The following SLC7A10 variants were observed in gnomAD, a reference collection of about 807,000 sequenced individuals.
The protein encoded by SLC7A10 is solute carrier family 7 member 10.
SLC7A10 carries 30 observed loss-of-function variants against 52.7 expected under a neutral mutation model. That is an observed-to-expected ratio of 0.57 (90% CI 0.43 to 0.77). The LOEUF is 0.77. SLC7A10 is among the 30% of genes least tolerant of loss of function. The pLI is 0.00. For missense variants in SLC7A10, 581 were observed against 698.5 expected (o/e 0.83, Z 1.90); for synonymous variants, 318 against 314.9 (o/e 1.01, Z -0.10).
chr19:33,211,650 T>G, intron 5 of SLC7A10, 113 bp from the exon 6 acceptor site: 2 of 1,579,992 alleles, frequency 1.3e-6, no homozygotes, highest in Middle Eastern at 1.9e-4. Context: ...CTGGGGATGT[T>G]GGGGCAGGAA....
chr19:33,215,719 A>G, intron 2 of SLC7A10, 50 bp downstream of exon 2: 1 of 1,532,634 alleles, frequency 6.5e-7, no homozygotes, highest in Non-Finnish European at 8.8e-7. Context: ...TCATTTGGCC[A>G]TCCCATTCCC....
At chr19:33,223,647 A>G (rs1177713306) in intron 1 of SLC7A10, among the ~76,000 whole-genome samples, 3 of 151,912 alleles carry the variant, frequency 2.0e-5, no homozygotes, top group African/African-American at 7.3e-5. Flanking sequence ...TAATCCTCAA[A>G]GGCTCCCCGG....
At chr19:33,218,271 G>T (rs1038200460) in intron 1 of SLC7A10, among the ~76,000 whole-genome samples, 1 of 152,154 alleles carries the variant, frequency 6.6e-6, no homozygotes, top group African/African-American at 2.4e-5. Context: ...CTTGTGCCCA[G>T]TGGCTGAAGA....
chr19:33,216,034 G>C, intron 1 of SLC7A10, 61 bp from the exon 2 acceptor site: 1 of 1,422,864 alleles, frequency 7.0e-7, no homozygotes, highest in African/African-American at 1.4e-5. Flanking sequence ...CCGGCCTTCT[G>C]TGTGGGGATC....
At chr19:33,224,816 G>A (rs1031253414) in intron 1 of SLC7A10, among the ~76,000 whole-genome samples, 1 of 152,356 alleles carries the variant, frequency 6.6e-6, no homozygotes, top group African/African-American at 2.4e-5. Flanking sequence ...GGCAGGACAT[G>A]GACCCATTCT....
At chr19:33,225,455 C>A (rs1256097308) in intron 1 of SLC7A10, 98 bp downstream of exon 1, 3 of 1,454,272 alleles carry the variant, frequency 2.1e-6, no homozygotes, top group Non-Finnish European at 1.9e-6. Context: ...CCCAGGCAGA[C>A]CCGTCCGAGC....
intron 1 of SLC7A10, among the ~76,000 whole-genome samples, chr19:33,223,943 TCACCACCACCACCACCACCACCAC>T (rs80120440): frequency 6.8e-6 from 1 of 147,108 alleles, no homozygotes; most frequent in Non-Finnish European, 1.5e-5. Flanking sequence ...ACCTCTACCA[TCACCACCACCACCACCACCACCAC>T]CACCACCACC....
chr19:33,223,078 C>T (rs577446814), intron 1 of SLC7A10, among the ~76,000 whole-genome samples: 2 of 152,220 alleles, frequency 1.3e-5, no homozygotes, highest in East Asian at 3.9e-4. Context: ...GAGGCCAAGG[C>T]AGGCAGATCA....
Position 33,215,933 on chromosome 19 carries a change from C to T in SLC7A10, c.192G>A (p.Gly64=), listed in dbSNP as rs764676860. The part of the protein sequence containing the change: ...IGSGIFISPK[G]VLEHSGSVGL... ...CCACGGAGCCTGAGTGCTCCAGGAC[C>T]CCCTTGGGCGAGATGAAGATGCCCG... The change falls in exon 2 of 11, where the codon GGG becomes GGA. Residue 64 remains glycine (G), a synonymous_variant. Coordinates refer to ENST00000253188, the MANE Select transcript of SLC7A10 (RefSeq NM_019849.3). 1 of 1,598,462 alleles carries T rather than the reference C, an allele frequency of 6.3e-7. No individual in the cohort carries two copies. Among genetic ancestry groups the T allele is most frequent in the East Asian group, 2.3e-5 (1 of 44,390 alleles).
Position 33,210,618 on chromosome 19 carries a change from T to G in SLC7A10, c.1114-2A>C. On this transcript the variant is annotated splice_acceptor_variant, in intron 8 of 10. Coordinates refer to ENST00000253188, the MANE Select transcript of SLC7A10 (RefSeq NM_019849.3). LOFTEE classifies it high-confidence loss of function. The surrounding 1 kb of genome is among the most constrained non-coding windows in gnomAD (Gnocchi z 5.6). ...CATGATGACGGCTGTGGCCCCGCAC[T>G]GGGAGAGGACCTGGGGCTGACGGCT... The G allele has an allele frequency of 6.2e-7, 1 of 1,611,384 alleles. No individual in the cohort carries two copies. The highest frequency in any genetic ancestry group is 8.5e-7 in the Non-Finnish European group (1 of 1,179,936).
At chr19:33,222,464 TAAATA>T (rs1162922007) in intron 1 of SLC7A10, among the ~76,000 whole-genome samples, 1,814 of 106,484 alleles carry the variant, frequency 0.017, 31 homozygotes, top group African/African-American at 0.067. Flanking sequence ...TAAAATAAAA[TAAATA>T]AAATAAAATA....
intron 5 of SLC7A10, chr19:33,212,034 A>G (rs1974565214): frequency 1.7e-6 from 1 of 588,312 alleles, no homozygotes; most frequent in Admixed American, 3.0e-5. Flanking sequence ...CTCTGGATCT[A>G]TTTACAGCAG....
At chr19:33,213,096 G>C in intron 2 of SLC7A10, 94 bp from the exon 3 acceptor site, 1 of 1,515,350 alleles carries the variant, frequency 6.6e-7, no homozygotes, top group Non-Finnish European at 8.9e-7. Context: ...CCCTGGGCCT[G>C]GCGCCCGGGG....
In SLC7A10 at chr19:33,215,946, A is replaced by G; in HGVS notation, c.179T>C (p.Ile60Thr). The G allele has an allele frequency of 6.3e-7, 1 of 1,591,588 alleles. No homozygotes were observed. The change falls in exon 2 of 11, where the codon ATC becomes ACC. Residue 60 changes from isoleucine (I) to threonine (T), a missense_variant. Ile to Thr is a moderately conservative substitution (Grantham distance 89, BLOSUM62 -1). Transcript: ENST00000253188. ...IGNIIGSGIF[I>T]SPKGVLEHSG... ...GTGCTCCAGGACCCCCTTGGGCGAGATGAAGATGCCCGAGCCGATGATGTT... is the reference window on the plus strand; with the variant it reads ...GTGCTCCAGGACCCCCTTGGGCGAGGTGAAGATGCCCGAGCCGATGATGTT...
At chr19:33,215,278 A>G (rs1158018344) in intron 2 of SLC7A10, among the ~76,000 whole-genome samples, 1 of 151,844 alleles carries the variant, frequency 6.6e-6, no homozygotes, top group African/African-American at 2.4e-5. Flanking sequence ...AAAAAAAAAA[A>G]AAAAAAAAAG....
Position 33,210,685 on chromosome 19 carries a change from T to A in SLC7A10, c.1114-69A>T. 1 of 1,608,640 alleles carries A rather than the reference T, an allele frequency of 6.2e-7. No homozygotes were observed. The highest frequency in any genetic ancestry group is 2.2e-5 in the East Asian group (1 of 44,806). The stretch of plus-strand genomic sequence containing the variant: ...CCTGACGCCCCTGCAGGATGAGCCC[T>A]GGCCCCACCCCCAACCCCCACCCTG... On this transcript the variant is annotated intron_variant, in intron 8 of 10. Coordinates refer to ENST00000253188, the MANE Select transcript of SLC7A10 (RefSeq NM_019849.3). The surrounding 1 kb of genome is among the most constrained non-coding windows in gnomAD (Gnocchi z 5.6).
chr19:33,221,507 G>T lies in SLC7A10; in HGVS notation c.151+4046C>A, dbSNP rs76675689. On this transcript the variant is annotated intron_variant, in intron 1 of 10. Transcript: ENST00000253188. ...CCGAGGGCATCTGACCCCAGGGCAG[G>T]TTGCCTCAGTTTCCTCACCTGTAAA... Among the ~76,000 whole-genome samples, 1,408 of 152,286 alleles carry T rather than the reference G, an allele frequency of 9.2e-3. 26 individuals are homozygous for T. The highest frequency in any genetic ancestry group is 0.032 in the African/African-American group (1,325 of 41,558).
Position 33,208,664 on chromosome 19 carries a change from GAACAGCC to G in SLC7A10, c.*220_*226del, listed in dbSNP as rs1312650888. On this transcript the variant is annotated 3_prime_UTR_variant, in exon 11 of 11. Coordinates refer to ENST00000253188, the MANE Select transcript of SLC7A10 (RefSeq NM_019849.3). This position sits in a 1 kb window ranked among gnomAD's most constrained non-coding sequence, Gnocchi z 4.7. ...ATCAGGGACTCCCCATAGCACGAGC[GAACAGCC>G]AGCCCTGTTTATTTATAGGCCTTTT... 11 of 602,636 alleles carry G rather than the reference GAACAGCC, an allele frequency of 1.8e-5. No individual in the cohort carries two copies. In the East Asian group the frequency reaches 3.2e-4, roughly 18 times the overall value. The allele number at this position is 602,636 out of a possible 1,614,324, so 37.3% of individuals were successfully genotyped here. A position where few individuals can be genotyped will look rare whatever the true frequency, so the allele number is the denominator to read the frequency against.
At chr19:33,221,198 C>T (rs1230296794) in intron 1 of SLC7A10, 1 of 152,406 alleles carries the variant, frequency 6.6e-6, no homozygotes, top group Non-Finnish European at 1.5e-5. Context: ...CAGCTCATTT[C>T]CAAGCTGCAA....
Sources: gnomAD v4.1 joint callset for allele counts (sites outside exome capture counted in the v4.1 genomes callset) on GRCh38, gnomAD v4.1.1 for gene constraint, Gnocchi (gnomAD v3.1) non-coding constraint, MANE v1.5 for transcripts, NCBI Gene and HGNC (gene_info 2026-07-23, HGNC 2026-07-21) for gene names.